Variants in PDZD2 observed in about 807,000 individuals in gnomAD.
PDZD2 encodes the protein PDZ domain containing 2.
In PDZD2, 90 loss-of-function variants were observed where a neutral mutation model predicts 220.7. The observed-to-expected ratio is 0.41, with a 90% CI of 0.34 to 0.49. The LOEUF (loss-of-function observed/expected upper bound fraction) is 0.49. Among genes scored for constraint, PDZD2 ranks in the 20% least tolerant of loss-of-function variants. The pLI, the probability that PDZD2 is intolerant of heterozygous loss-of-function variation, is 0.28. For missense variants in PDZD2, 3,174 were observed against 3,608.5 expected, an observed-to-expected ratio of 0.88 and a Z score of 3.08; for synonymous variants, 1,375 against 1,450.5, an observed-to-expected ratio of 0.95 and a Z score of 1.18.
intron 2 of PDZD2, among the ~76,000 whole-genome samples, chr5:31,933,056 G>A (rs760207024): frequency 6.6e-6 from 1 of 151,976 alleles, no homozygotes; most frequent in Non-Finnish European, 1.5e-5. Context: ...GATTACAGAT[G>A]TGTGCCACCA....
chr5:32,041,899 A>G (rs1581357207), intron 7 of PDZD2, among the ~76,000 whole-genome samples: 1 of 127,832 alleles, frequency 7.8e-6, no homozygotes. Flanking sequence ...ATAAATTTGA[A>G]AAAGAAAGCA....
intron 2 of PDZD2, among the ~76,000 whole-genome samples, chr5:31,938,570 A>G (rs1447686998): frequency 6.6e-6 from 1 of 152,142 alleles, no homozygotes; most frequent in Non-Finnish European, 1.5e-5. Context: ...AAACTCTGGT[A>G]ATTCACACAA....
intron 2 of PDZD2, among the ~76,000 whole-genome samples, chr5:31,977,770 C>T (rs561178023): frequency 9.9e-5 from 15 of 152,140 alleles, no homozygotes; most frequent in African/African-American, 2.7e-4. Context: ...GCCAGGAGTT[C>T]GAGACCAGCC....
chr5:32,054,699 G>A (rs1175022803), intron 10 of PDZD2, among the ~76,000 whole-genome samples: 1 of 152,136 alleles, frequency 6.6e-6, no homozygotes, highest in African/African-American at 2.4e-5. Flanking sequence ...AAGTGCTTCT[G>A]AATGCAAATT....
At chr5:31,846,997 T>A (rs1011336846) in intron 2 of PDZD2, among the ~76,000 whole-genome samples, 1 of 152,222 alleles carries the variant, frequency 6.6e-6, no homozygotes, top group Admixed American at 6.5e-5. Context: ...TCACTTGCCT[T>A]TCTAAAAATC....
intron 15 of PDZD2, 58 bp downstream of exon 15, chr5:32,069,708 C>A: frequency 1.2e-6 from 1 of 856,824 alleles, no homozygotes; most frequent in South Asian, 1.4e-5. Flanking sequence ...TAAGTTCACC[C>A]ACAGGCACTC....
At chr5:31,878,234 C>T (rs1739493654) in intron 2 of PDZD2, among the ~76,000 whole-genome samples, 2 of 152,088 alleles carry the variant, frequency 1.3e-5, no homozygotes, top group African/African-American at 4.8e-5. Context: ...AGCCTGGGAG[C>T]GCTATCCTGG....
chr5:31,933,668 G>A (rs1330643360), intron 2 of PDZD2, among the ~76,000 whole-genome samples: 2 of 152,156 alleles, frequency 1.3e-5, no homozygotes, highest in Non-Finnish European at 2.9e-5. Flanking sequence ...GAAGATTTAC[G>A]TTGTAACCTC....
At chr5:32,101,904 T>G (rs954216123) in intron 24 of PDZD2, among the ~76,000 whole-genome samples, 1 of 152,222 alleles carries the variant, frequency 6.6e-6, no homozygotes, top group African/African-American at 2.4e-5. Flanking sequence ...AATATTGATA[T>G]GTAATTATAC....
At chr5:31,725,881 T>C in intron 1 of PDZD2, 1 of 754,624 alleles carries the variant, frequency 1.3e-6, no homozygotes, top group Non-Finnish European at 2.4e-6. Context: ...TTGGTCTTTT[T>C]CTAGGACTAT....
intron 1 of PDZD2, among the ~76,000 whole-genome samples, chr5:31,678,308 C>G (rs541544201): frequency 6.6e-6 from 1 of 152,336 alleles, no homozygotes; most frequent in South Asian, 2.1e-4. Flanking sequence ...TCTGGGCTAG[C>G]ACAGCCCTTG....
At chr5:32,041,595 A>G (rs1756151907) in intron 7 of PDZD2, among the ~76,000 whole-genome samples, 1 of 152,122 alleles carries the variant, frequency 6.6e-6, no homozygotes, top group South Asian at 2.1e-4. Context: ...TAAATGGATT[A>G]AGGGCGGTGC....
chr5:31,929,561 A>G lies in PDZD2; in HGVS notation c.477-53594A>G, dbSNP rs572895028. Among the ~76,000 whole-genome samples the G allele has an allele frequency of 5.3e-5, 8 of 152,328 alleles. No homozygotes were observed. The South Asian group carries it at 1.7e-3, about 32-fold the overall frequency. ...AAAGCACAGATACATGAAAAAGAGC[A>G]GTGGAAGGCCAGGCGCAGTGGCTCA... On this transcript the variant is annotated intron_variant, in intron 2 of 24. Transcript: ENST00000438447.
chr5:32,082,415 G>A (rs549610524), intron 19 of PDZD2, among the ~76,000 whole-genome samples: 71 of 152,046 alleles, frequency 4.7e-4, no homozygotes, highest in African/African-American at 1.6e-3. Flanking sequence ...AAAATGACCC[G>A]TACACTGCAC....
chr5:31,651,771 A>G (rs1745358789), intron 1 of PDZD2, among the ~76,000 whole-genome samples: 1 of 151,882 alleles, frequency 6.6e-6, no homozygotes, highest in Non-Finnish European at 1.5e-5. Flanking sequence ...AGCTGGGACT[A>G]TAGTATGCAC....
chr5:31,667,235 CA>C lies in PDZD2; in HGVS notation c.-361+27820del, dbSNP rs3031718. Among the ~76,000 whole-genome samples the C allele has an allele frequency of 9.4e-3, 498 of 52,794 alleles. 2 individuals carry two copies. Among genetic ancestry groups the C allele is most frequent in the African/African-American group, 0.039 (470 of 12,044 alleles). 34.6% of individuals were successfully genotyped at this position (52,794 alleles called of 152,430 possible). ...TGAGTGACAGAGCAAGACTCCGTCT[CA>C]AAAAAAAAAAAAAAAAAAAAAGAGT... is the stretch of plus-strand genomic sequence containing the variant. On this transcript the variant is annotated intron_variant, in intron 1 of 24. Coordinates refer to ENST00000438447, the MANE Select transcript of PDZD2 (RefSeq NM_178140.4).
chr5:31,875,324 C>G (rs1282101623), intron 2 of PDZD2, among the ~76,000 whole-genome samples: 2 of 152,018 alleles, frequency 1.3e-5, no homozygotes, highest in East Asian at 3.8e-4. Flanking sequence ...TGGCTTATGC[C>G]TGTAATCCCA....
chr5:31,777,073 G>A (rs567700945), intron 1 of PDZD2, among the ~76,000 whole-genome samples: 120 of 152,278 alleles, frequency 7.9e-4, no homozygotes, highest in Middle Eastern at 6.8e-3. Flanking sequence ...GCCTGGAGCC[G>A]GCTCCCTCTG....
intron 5 of PDZD2, among the ~76,000 whole-genome samples, chr5:32,009,692 A>G (rs929497441): frequency 3.3e-5 from 5 of 152,092 alleles, no homozygotes; most frequent in African/African-American, 1.2e-4. Flanking sequence ...TGATTGCACC[A>G]CTGCACTCAG....
Sources: gnomAD v4.1 joint callset for allele counts (sites outside exome capture counted in the v4.1 genomes callset) on GRCh38, gnomAD v4.1.1 for gene constraint, MANE v1.5 for transcripts, NCBI Gene and HGNC (gene_info 2026-07-23, HGNC 2026-07-21) for gene names.